The following VAPA variants were observed in gnomAD, a reference collection of about 807,000 sequenced individuals.
VAPA encodes the protein vesicle-associated membrane protein-associated protein A.
VAPA carries 6 observed loss-of-function variants against 25.6 expected under a neutral mutation model. That is an observed-to-expected ratio of 0.23 (90% CI 0.13 to 0.46). The LOEUF (loss-of-function observed/expected upper bound fraction) is 0.46, where lower values mean the gene tolerates loss of function less well. Ranked by LOEUF, VAPA falls within the 20% of genes least tolerant of loss-of-function variation. The pLI is 0.99. For synonymous variants in VAPA, 112 were observed against 106.2 expected, an observed-to-expected ratio of 1.05 and a Z score of -0.34; for missense variants, 244 against 302.1, an observed-to-expected ratio of 0.81 and a Z score of 1.43.
intron 2 of VAPA, among the ~76,000 whole-genome samples, 153 bp downstream of exon 2, chr18:9,932,115 G>A (rs2069261679): frequency 1.3e-5 from 2 of 152,200 alleles, no homozygotes; most frequent in African/African-American, 4.8e-5. Flanking sequence ...TACTCTGCAA[G>A]CTGTTTCAGA....
At position 9,931,357 on chromosome 18, in the gene VAPA, CAA is replaced by C. The variant is rs1428666846; in HGVS notation, c.80-450_80-449del. Among the ~76,000 whole-genome samples, 4 of 152,174 alleles carry C rather than the reference CAA, an allele frequency of 2.6e-5. No individual in the cohort carries two copies. The South Asian group carries it at 6.2e-4, about 24-fold the overall frequency. On this transcript the variant is annotated intron_variant, in intron 1 of 5. Transcript: ENST00000400000. ...TGAATGGATTGAATGAATGAACAAA[CAA>C]AATTGAGGTGAAGCAAAAGCACTGA...
At chr18:9,923,532 A>AGTGT (rs1379316491) in intron 1 of VAPA, among the ~76,000 whole-genome samples, 1 of 152,182 alleles carries the variant, frequency 6.6e-6, no homozygotes, top group African/African-American at 2.4e-5. Flanking sequence ...ATATGTGTGA[A>AGTGT]GTGTATATGA....
At chr18:9,928,662 A>G (rs569926942) in intron 1 of VAPA, among the ~76,000 whole-genome samples, 8 of 152,190 alleles carry the variant, frequency 5.3e-5, no homozygotes, top group African/African-American at 1.9e-4. Context: ...TGACCAACAT[A>G]TGTAATTAAA....
chr18:9,942,915 G>A (rs1379112330), intron 4 of VAPA, among the ~76,000 whole-genome samples: 1 of 152,102 alleles, frequency 6.6e-6, no homozygotes, highest in Admixed American at 6.5e-5. Context: ...ATTTGCCGGG[G>A]GACACAGATC....
Position 9,914,225 on chromosome 18 carries a change from C to G in VAPA, c.-32C>G. 1 of 1,560,992 alleles carries G rather than the reference C, an allele frequency of 6.4e-7. No individual in the cohort carries two copies. The highest frequency in any genetic ancestry group is 8.7e-7 in the Non-Finnish European group (1 of 1,155,594). On this transcript the variant is annotated 5_prime_UTR_variant, in exon 1 of 6. Coordinates refer to ENST00000400000, the MANE Select transcript of VAPA (RefSeq NM_194434.3). ...GCCCCCAGTCAGCAAACCGCCGCCG[C>G]GGGCGCGCCCCCGCTCTGCGCTGTC...
intron 4 of VAPA, among the ~76,000 whole-genome samples, chr18:9,938,079 T>C (rs1342651289): frequency 6.6e-6 from 1 of 152,244 alleles, no homozygotes; most frequent in East Asian, 1.9e-4. Context: ...GGCCTGTGTA[T>C]GCTTCCCATT....
At chr18:9,922,615 A>G (rs1340317656) in intron 1 of VAPA, among the ~76,000 whole-genome samples, 1 of 152,036 alleles carries the variant, frequency 6.6e-6, no homozygotes, top group Non-Finnish European at 1.5e-5. Context: ...TTGAAACACA[A>G]CTATAAATAG....
intron 4 of VAPA, among the ~76,000 whole-genome samples, chr18:9,946,597 C>T (rs1238483007): frequency 6.6e-6 from 1 of 151,472 alleles, no homozygotes; most frequent in Non-Finnish European, 1.5e-5. Flanking sequence ...CGTGACTATA[C>T]ACAGAAAAGG....
intron 5 of VAPA, among the ~76,000 whole-genome samples, chr18:9,953,353 T>C (rs983226171): frequency 2.0e-5 from 3 of 152,236 alleles, no homozygotes; most frequent in Admixed American, 6.5e-5. Flanking sequence ...ATTTGTAGTT[T>C]CTGAAGAAAC....
chr18:9,959,148 G>C lies in VAPA; in HGVS notation c.*4937G>C, dbSNP rs530983603. Reference sequence around the variant, plus strand: ...ACAGCTGAAGTAGCAGAGAAAGTGGGATCTAGATGGTCTGATCCTAGTGAT... The same window carrying C: ...ACAGCTGAAGTAGCAGAGAAAGTGGCATCTAGATGGTCTGATCCTAGTGAT... On this transcript the variant is annotated 3_prime_UTR_variant, in exon 6 of 6. Coordinates refer to ENST00000400000, the MANE Select transcript of VAPA (RefSeq NM_194434.3). The C allele has an allele frequency of 6.6e-6, 1 of 152,228 alleles. No homozygotes were observed. The highest frequency in any genetic ancestry group is 2.1e-4 in the South Asian group (1 of 4,826). The allele number at this position is 152,228 out of a possible 1,614,324, so 9.4% of individuals were successfully genotyped here.
Position 9,914,123 on chromosome 18 carries a change from G to T in VAPA, c.-134G>T. The T allele has an allele frequency of 1.5e-6, 1 of 673,902 alleles. No homozygotes were observed. The highest frequency in any genetic ancestry group is 2.4e-6 in the Non-Finnish European group (1 of 424,034). 41.7% of individuals were successfully genotyped at this position (673,902 alleles called of 1,614,324 possible). A position where few individuals can be genotyped will look rare whatever the true frequency, so the allele number is the denominator to read the frequency against. On this transcript the variant is annotated 5_prime_UTR_variant, in exon 1 of 6. Transcript: ENST00000400000. ...GGCCCACCGAACCGGTGACACAGCGGCAGGCGTTAGGGCTCGGGAGCCGCG... is the reference window on the plus strand; with the variant it reads ...GGCCCACCGAACCGGTGACACAGCGTCAGGCGTTAGGGCTCGGGAGCCGCG...
chr18:9,943,841 C>CTTTTTTTTTTTT lies in VAPA; in HGVS notation c.418-6528_418-6517dup, dbSNP rs71169911. On this transcript the variant is annotated intron_variant, in intron 4 of 5. Coordinates refer to ENST00000400000, the MANE Select transcript of VAPA (RefSeq NM_194434.3). ...TGACATTTGAAGGTGACATATTTCC[C>CTTTTTTTTTTTT]TTTTTTTTTTTTTTTTTTTTTTTTT... Among the ~76,000 whole-genome samples the CTTTTTTTTTTTT allele has an allele frequency of 4.1e-4, 21 of 51,770 alleles. 4 individuals carry two copies. Among genetic ancestry groups the CTTTTTTTTTTTT allele is most frequent in the South Asian group, 8.1e-4 (1 of 1,228 alleles). The allele number at this position is 51,770 out of a possible 152,430, so 34.0% of individuals were successfully genotyped here. A position where few individuals can be genotyped will look rare whatever the true frequency, so the allele number is the denominator to read the frequency against.
intron 1 of VAPA, among the ~76,000 whole-genome samples, chr18:9,923,076 T>C (rs2143298197): frequency 6.6e-6 from 1 of 152,360 alleles, no homozygotes; most frequent in South Asian, 2.1e-4. Context: ...TCAATGCTTA[T>C]AAAAGAAACC....
chr18:9,914,050 T>C lies in VAPA; in HGVS notation c.-207T>C. The C allele has an allele frequency of 2.0e-6, 1 of 490,648 alleles. No homozygotes were observed. Among genetic ancestry groups the C allele is most frequent in the Non-Finnish European group, 3.6e-6 (1 of 277,684 alleles). 30.4% of individuals were successfully genotyped at this position (490,648 alleles called of 1,614,324 possible). On this transcript the variant is annotated 5_prime_UTR_variant, in exon 1 of 6. Transcript: ENST00000400000. The stretch of plus-strand genomic sequence containing the variant: ...AAGTGCGCGTGGCCGTGGCGGCTGG[T>C]GTGGGGTTGAGTCAGTTGTGGGACC...
At chr18:9,938,970 G>C (rs1223483240) in intron 4 of VAPA, among the ~76,000 whole-genome samples, 7 of 151,986 alleles carry the variant, frequency 4.6e-5, no homozygotes, top group Non-Finnish European at 1.5e-5. Flanking sequence ...ATCTGTAACT[G>C]TTTCAATGTG....
At chr18:9,924,063 A>T (rs2143303109) in intron 1 of VAPA, 1 of 152,452 alleles carries the variant, frequency 6.6e-6, no homozygotes, top group South Asian at 2.1e-4. Flanking sequence ...ACATTTTGAT[A>T]AACTTTTTAT....
intron 1 of VAPA, among the ~76,000 whole-genome samples, chr18:9,928,851 T>C (rs1253136937): frequency 2.0e-5 from 3 of 152,212 alleles, no homozygotes; most frequent in Admixed American, 1.3e-4. Context: ...GATGTTTGTA[T>C]CTACTTAAGG....
In VAPA at chr18:9,958,468, A is replaced by G. The variant is rs982369553; in HGVS notation, c.*4257A>G. The G allele has an allele frequency of 1.3e-5, 2 of 152,212 alleles. No individual in the cohort carries two copies. Among genetic ancestry groups the G allele is most frequent in the Non-Finnish European group, 2.9e-5 (2 of 68,032 alleles). The allele number at this position is 152,212 out of a possible 1,614,324, so 9.4% of individuals were successfully genotyped here. ...AAGTTATTCAGATAACTTTTGTAGTAGTGATATTCAACTATAGCAGTACCT... is the reference window on the plus strand; with the variant it reads ...AAGTTATTCAGATAACTTTTGTAGTGGTGATATTCAACTATAGCAGTACCT... On this transcript the variant is annotated 3_prime_UTR_variant, in exon 6 of 6. Transcript: ENST00000400000.
In VAPA at chr18:9,956,427, T is replaced by G. The variant is rs1018328940; in HGVS notation, c.*2216T>G. ...TTTAGGCTAGAAATGCCTCCCACAT[T>G]GGTAATAAACATTACAAAATACAAT... On this transcript the variant is annotated 3_prime_UTR_variant, in exon 6 of 6. Coordinates refer to ENST00000400000, the MANE Select transcript of VAPA (RefSeq NM_194434.3). 1.3e-5 allele frequency: 2 copies of G among 152,340 alleles called. No homozygotes were observed. Among genetic ancestry groups the G allele is most frequent in the Non-Finnish European group, 2.9e-5 (2 of 68,050 alleles). 9.4% of individuals were successfully genotyped at this position (152,340 alleles called of 1,614,324 possible).
Sources: gnomAD v4.1 joint callset for allele counts (sites outside exome capture counted in the v4.1 genomes callset) on GRCh38, gnomAD v4.1.1 for gene constraint, MANE v1.5 for transcripts, NCBI Gene and HGNC (gene_info 2026-07-23, HGNC 2026-07-21) for gene names.